Variants in FAM78B observed in about 807,000 individuals in gnomAD.
FAM78B encodes family with sequence similarity 78 member B, also known as protein FAM78B.
In FAM78B, 10 loss-of-function variants were observed where a neutral mutation model predicts 20.0. The ratio of observed to expected loss-of-function variants is 0.50; its 90% CI spans 0.31 to 0.85. The LOEUF (loss-of-function observed/expected upper bound fraction) is 0.85, where lower values mean the gene tolerates loss of function less well. FAM78B is among the 40% of genes least tolerant of loss of function. The pLI is 0.05. For missense variants in FAM78B, 283 were observed against 345.0 expected (o/e 0.82, Z 1.42); for synonymous variants, 135 against 132.8 (o/e 1.02, Z -0.12).
At chr1:166,102,811 T>G (rs1653585499) in intron 1 of FAM78B, among the ~76,000 whole-genome samples, 1 of 151,972 alleles carries the variant, frequency 6.6e-6, no homozygotes, top group Admixed American at 6.6e-5. Flanking sequence ...AGACAGAAAG[T>G]TAACAAGGAT....
At chr1:166,155,211 A>C (rs537568772) in intron 1 of FAM78B, among the ~76,000 whole-genome samples, 1 of 152,330 alleles carries the variant, frequency 6.6e-6, no homozygotes, top group East Asian at 1.9e-4. Flanking sequence ...AATATCCTGA[A>C]TACTTCCTGA....
intron 1 of FAM78B, among the ~76,000 whole-genome samples, chr1:166,118,207 C>T (rs765944195): frequency 7.9e-5 from 12 of 152,268 alleles, no homozygotes; most frequent in Middle Eastern, 3.4e-3. Flanking sequence ...GAGTGGGTTG[C>T]CTCCTTAGAT....
chr1:166,154,191 T>C (rs1054667790), intron 1 of FAM78B, among the ~76,000 whole-genome samples: 2 of 152,124 alleles, frequency 1.3e-5, no homozygotes, highest in African/African-American at 4.8e-5. Context: ...TTATTTCTTC[T>C]AGAGCTGCCA....
chr1:166,118,176 T>C (rs1400389555), intron 1 of FAM78B, among the ~76,000 whole-genome samples: 1 of 152,176 alleles, frequency 6.6e-6, no homozygotes, highest in African/African-American at 2.4e-5. Context: ...AAGAACCTGC[T>C]CACAGACAGG....
chr1:166,109,880 ATG>A (rs1454378466), intron 1 of FAM78B, among the ~76,000 whole-genome samples: 442 of 14,572 alleles, frequency 0.03, 42 homozygotes, highest in African/African-American at 0.087. Flanking sequence ...ATATATATAT[ATG>A]TATATATGTA....
chr1:166,153,568 C>T (rs1172251122), intron 1 of FAM78B, among the ~76,000 whole-genome samples: 1 of 151,994 alleles, frequency 6.6e-6, no homozygotes, highest in Non-Finnish European at 1.5e-5. Context: ...GTCCACATAG[C>T]CCAAGAAACA....
intron 1 of FAM78B, among the ~76,000 whole-genome samples, chr1:166,130,888 C>G (rs1459657794): frequency 6.6e-6 from 1 of 151,382 alleles, no homozygotes; most frequent in Admixed American, 6.6e-5. Context: ...ACAGAACCAA[C>G]AAAGAATGCT....
intron 1 of FAM78B, among the ~76,000 whole-genome samples, chr1:166,120,263 G>C (rs540717058): frequency 1.3e-5 from 2 of 152,188 alleles, no homozygotes; most frequent in South Asian, 2.1e-4. Flanking sequence ...CAACTCAAGA[G>C]AAGTTAAGTA....
chr1:166,159,935 G>A (rs1280293391), intron 1 of FAM78B, among the ~76,000 whole-genome samples: 1 of 152,194 alleles, frequency 6.6e-6, no homozygotes, highest in Non-Finnish European at 1.5e-5. Flanking sequence ...CCTTCCAAGG[G>A]CACTCAGGAC....
intron 1 of FAM78B, among the ~76,000 whole-genome samples, chr1:166,083,694 G>A (rs1053983756): frequency 1.1e-4 from 16 of 151,928 alleles, no homozygotes; most frequent in Non-Finnish European, 2.2e-4. Context: ...TAGTAGAGAC[G>A]GGTTTCACTA....
At chr1:166,120,940 A>G (rs1654444529) in intron 1 of FAM78B, among the ~76,000 whole-genome samples, 1 of 152,240 alleles carries the variant, frequency 6.6e-6, no homozygotes, top group African/African-American at 2.4e-5. Flanking sequence ...AGAAGTGTGA[A>G]CATAAGTCAA....
At chr1:166,102,534 C>T (rs1027469983) in intron 1 of FAM78B, among the ~76,000 whole-genome samples, 2 of 151,454 alleles carry the variant, frequency 1.3e-5, no homozygotes, top group Non-Finnish European at 2.9e-5. Flanking sequence ...AAATGGAAAA[C>T]AAAAAAAGGC....
At chr1:166,086,344 GCA>G (rs1391331958) in intron 1 of FAM78B, among the ~76,000 whole-genome samples, 2 of 152,226 alleles carry the variant, frequency 1.3e-5, no homozygotes, top group Middle Eastern at 3.4e-3. Context: ...CCCAAAGAAA[GCA>G]CAGTGGCAGA....
At chr1:166,120,379 G>A (rs980037078) in intron 1 of FAM78B, among the ~76,000 whole-genome samples, 9 of 152,208 alleles carry the variant, frequency 5.9e-5, no homozygotes, top group African/African-American at 2.2e-4. Context: ...AAGCCTGGAG[G>A]CTTTCTTTCA....
chr1:166,115,165 A>C (rs1654208758), intron 1 of FAM78B, among the ~76,000 whole-genome samples: 1 of 152,192 alleles, frequency 6.6e-6, no homozygotes, highest in Admixed American at 6.5e-5. Flanking sequence ...CACAGCAGTA[A>C]ACGAAACAAA....
At chr1:166,057,932 GC>G (rs1190083785) in exon 3 of FAM78B, 1 of 151,856 alleles carries the variant, frequency 6.6e-6, no homozygotes, top group African/African-American at 2.4e-5. Context: ...AATTAATTTA[GC>G]TAGTTCCCTG....
At chr1:166,113,391 G>C (rs1654133675) in intron 1 of FAM78B, among the ~76,000 whole-genome samples, 1 of 152,192 alleles carries the variant, frequency 6.6e-6, no homozygotes, top group South Asian at 2.1e-4. Flanking sequence ...GTTAAACAGG[G>C]CTAACAGCTA....
chr1:166,077,939 AT>A (rs1257208894), intron 1 of FAM78B, among the ~76,000 whole-genome samples: 1 of 21,226 alleles, frequency 4.7e-5, no homozygotes, highest in Admixed American at 9.4e-4. Flanking sequence ...ATATAATAAT[AT>A]ATATAATTTA....
At chr1:166,080,154 T>A (rs1229793684) in intron 1 of FAM78B, among the ~76,000 whole-genome samples, 1 of 152,164 alleles carries the variant, frequency 6.6e-6, no homozygotes, top group Admixed American at 6.5e-5. Flanking sequence ...GATGCCTCCC[T>A]AGTACAAAAT....
Sources: gnomAD v4.1 joint callset for allele counts (sites outside exome capture counted in the v4.1 genomes callset) on GRCh38, gnomAD v4.1.1 for gene constraint, MANE v1.5 for transcripts, NCBI Gene and HGNC (gene_info 2026-07-23, HGNC 2026-07-21) for gene names.